The following ATF6 variants were observed in gnomAD, a reference collection of about 807,000 sequenced individuals.
The protein encoded by ATF6 is activating transcription factor 6.
In ATF6, 53 loss-of-function variants were observed where a neutral mutation model predicts 83.6. That is an observed-to-expected ratio of 0.63 (90% CI 0.51 to 0.80). The LOEUF is 0.80. Ranked by LOEUF, ATF6 falls within the 30% of genes least tolerant of loss-of-function variation. ATF6 has a pLI of 0.00. For missense variants in ATF6, 744 were observed against 797.9 expected, an observed-to-expected ratio of 0.93 and a Z score of 0.81; for synonymous variants, 288 against 285.8, an observed-to-expected ratio of 1.01 and a Z score of -0.08.
chr1:161,856,714 C>T (rs2101832031), intron 12 of ATF6, among the ~76,000 whole-genome samples: 1 of 147,960 alleles, frequency 6.8e-6, no homozygotes, highest in East Asian at 2.1e-4. Context: ...AATTCTTGCC[C>T]TAAATGCTTT....
At chr1:161,935,609 C>T (rs1688520872) in intron 15 of ATF6, among the ~76,000 whole-genome samples, 1 of 152,190 alleles carries the variant, frequency 6.6e-6, no homozygotes, top group Non-Finnish European at 1.5e-5. Context: ...TTTTCCTTAG[C>T]TGTATTATTA....
intron 12 of ATF6, 67 bp downstream of exon 12, chr1:161,853,390 A>C: frequency 8.2e-7 from 1 of 1,213,496 alleles, no homozygotes; most frequent in East Asian, 2.5e-5. Flanking sequence ...CAGCTGGGTT[A>C]CTCTCTTCCC....
At chr1:161,953,864 G>A (rs1688918498) in intron 15 of ATF6, among the ~76,000 whole-genome samples, 1 of 152,006 alleles carries the variant, frequency 6.6e-6, no homozygotes, top group South Asian at 2.1e-4. Flanking sequence ...ACTTCTTAAG[G>A]GAGCCAAACT....
At position 161,792,312 on chromosome 1, in the gene ATF6, CCTGCACCCACT is replaced by C; in HGVS notation, c.674_684del (p.Pro225GlnfsTer39). The C allele has an allele frequency of 6.2e-7, 1 of 1,613,816 alleles. No individual in the cohort carries two copies. Among genetic ancestry groups the C allele is most frequent in the Non-Finnish European group, 8.5e-7 (1 of 1,179,948 alleles). On this transcript the variant is annotated frameshift_variant, in exon 6 of 16. Transcript: ENST00000367942. LOFTEE classifies it high-confidence loss of function. ...GCAGCAACCAATTATCAGTTTACAA[CCTGCACCCACT>C]AAAGGTACCTGAGCAGAATTTAAGG...
intron 1 of ATF6, 131 bp from the exon 2 acceptor site, chr1:161,778,108 CACATT>C: frequency 1.7e-6 from 1 of 589,114 alleles, no homozygotes; most frequent in Non-Finnish European, 2.9e-6. Context: ...ATTGCTTATT[CACATT>C]ACTGGAGTTT....
chr1:161,939,335 T>C (rs544521148), intron 15 of ATF6, among the ~76,000 whole-genome samples: 8 of 152,332 alleles, frequency 5.3e-5, no homozygotes, highest in Admixed American at 2.6e-4. Flanking sequence ...TATATATGTA[T>C]TTTAAGTTCT....
Position 161,822,764 on chromosome 1 carries a change from G to A in ATF6, c.1187+1603G>A, listed in dbSNP as rs186428968. The stretch of plus-strand genomic sequence containing the variant: ...ATAATAGGGTCACTTGACCTAGTTA[G>A]GGAAGTAAGGCAAGGTTTCTCTGAG... On this transcript the variant is annotated intron_variant, in intron 9 of 15. Coordinates refer to ENST00000367942, the MANE Select transcript of ATF6 (RefSeq NM_007348.4). Among the ~76,000 whole-genome samples, 369 of 152,254 alleles carry A rather than the reference G, an allele frequency of 2.4e-3. 3 individuals carry two copies. Among genetic ancestry groups the A allele is most frequent in the African/African-American group, 8.3e-3 (345 of 41,558 alleles).
At chr1:161,912,648 C>CATTAT (rs1688014555) in intron 15 of ATF6, among the ~76,000 whole-genome samples, 1 of 152,132 alleles carries the variant, frequency 6.6e-6, no homozygotes, top group South Asian at 2.1e-4. Flanking sequence ...CTTGCATCTG[C>CATTAT]GACCCTTCTA....
At chr1:161,786,101 G>C (rs1042882628) in intron 4 of ATF6, among the ~76,000 whole-genome samples, 15 of 14,432 alleles carry the variant, frequency 1.0e-3, no homozygotes, top group African/African-American at 0.01. Flanking sequence ...TCAGCCTCCC[G>C]AGTACCTGGG....
At chr1:161,958,398 T>C in intron 15 of ATF6, 48 bp from the exon 16 acceptor site, 1 of 1,525,752 alleles carries the variant, frequency 6.6e-7, no homozygotes, top group Non-Finnish European at 8.9e-7. Flanking sequence ...ATGGCAGAGA[T>C]GCACATTCTG....
intron 14 of ATF6, among the ~76,000 whole-genome samples, chr1:161,882,642 C>G (rs1687343323): frequency 2.6e-5 from 4 of 151,250 alleles, no homozygotes; most frequent in Non-Finnish European, 4.4e-5. Context: ...ATAGTTTTTC[C>G]ATTTAGCTGT....
intron 1 of ATF6, among the ~76,000 whole-genome samples, chr1:161,776,290 C>T (rs754536265): frequency 2.0e-4 from 30 of 152,152 alleles, no homozygotes; most frequent in Admixed American, 3.3e-4. Flanking sequence ...TACTCCATTC[C>T]CCCTCCCACT....
chr1:161,868,704 T>C (rs1229537787), intron 14 of ATF6, among the ~76,000 whole-genome samples: 2 of 152,088 alleles, frequency 1.3e-5, no homozygotes, highest in African/African-American at 4.8e-5. Flanking sequence ...TCTATTTTAC[T>C]GATCTAAGAA....
At chr1:161,773,085 C>G (rs1684428272) in intron 1 of ATF6, among the ~76,000 whole-genome samples, 1 of 150,494 alleles carries the variant, frequency 6.6e-6, no homozygotes, top group Non-Finnish European at 1.5e-5. Context: ...CCCGCCTCAG[C>G]TTCCTGAGTA....
chr1:161,958,414 T>C, intron 15 of ATF6, 32 bp from the exon 16 acceptor site: 1 of 1,552,712 alleles, frequency 6.4e-7, no homozygotes, highest in Non-Finnish European at 8.7e-7. Context: ...TTCTGTTGAA[T>C]ATTTATTCTT....
chr1:161,790,505 A>C (rs1042242202), intron 4 of ATF6, among the ~76,000 whole-genome samples: 3 of 152,036 alleles, frequency 2.0e-5, no homozygotes, highest in African/African-American at 7.2e-5. Flanking sequence ...TTCACCTACT[A>C]AATTAAAGAA....
chr1:161,866,238 T>C (rs1405709559), intron 14 of ATF6, among the ~76,000 whole-genome samples: 1 of 152,220 alleles, frequency 6.6e-6, no homozygotes, highest in East Asian at 1.9e-4. Context: ...TTTAACAAAA[T>C]ATTTTAATAT....
intron 9 of ATF6, among the ~76,000 whole-genome samples, chr1:161,833,814 C>T (rs1686138478): frequency 6.6e-6 from 1 of 152,128 alleles, no homozygotes; most frequent in Admixed American, 6.5e-5. Flanking sequence ...AGAATGGAAC[C>T]AAGTTGGAAA....
chr1:161,897,710 G>A (rs1687704436), intron 14 of ATF6, among the ~76,000 whole-genome samples: 1 of 152,118 alleles, frequency 6.6e-6, no homozygotes, highest in Non-Finnish European at 1.5e-5. Context: ...TGCTGTAAGT[G>A]TAAAATACAC....
Sources: gnomAD v4.1 joint callset for allele counts (sites outside exome capture counted in the v4.1 genomes callset) on GRCh38, gnomAD v4.1.1 for gene constraint, MANE v1.5 for transcripts, NCBI Gene and HGNC (gene_info 2026-07-23, HGNC 2026-07-21) for gene names.